STX8: variants seen among roughly 807,000 people sequenced by gnomAD.
STX8 encodes the protein syntaxin-8.
STX8 carries 23 observed loss-of-function variants against 37.5 expected under a neutral mutation model. The ratio of observed to expected loss-of-function variants is 0.61; its 90% CI spans 0.44 to 0.87. The LOEUF (loss-of-function observed/expected upper bound fraction) is 0.87. Among genes scored for constraint, STX8 ranks in the 40% least tolerant of loss-of-function variants. The pLI is 0.00. For missense variants in STX8, 313 were observed against 284.7 expected (o/e 1.10, Z -0.71); for synonymous variants, 115 against 99.1 (o/e 1.16, Z -0.95).
At chr17:9,374,086 A>T (rs1033102431) in intron 7 of STX8, among the ~76,000 whole-genome samples, 45 of 144,352 alleles carry the variant, frequency 3.1e-4, no homozygotes, top group African/African-American at 1.1e-3. Flanking sequence ...ACCACAATTA[A>T]TTTTTTTTTT....
At chr17:9,414,918 G>A (rs1447911791) in intron 6 of STX8, among the ~76,000 whole-genome samples, 1 of 150,506 alleles carries the variant, frequency 6.6e-6, no homozygotes, top group African/African-American at 2.4e-5. Flanking sequence ...AGCCTCCCGA[G>A]TAGCTGGGAT....
chr17:9,538,141 G>T (rs1457883737), intron 4 of STX8, among the ~76,000 whole-genome samples: 1 of 152,046 alleles, frequency 6.6e-6, no homozygotes, highest in Non-Finnish European at 1.5e-5. Flanking sequence ...AACTCCTTGG[G>T]GTTCAACTGC....
At chr17:9,559,756 A>ATTTTTTT (rs1214621506) in intron 2 of STX8, among the ~76,000 whole-genome samples, 19 of 31,128 alleles carry the variant, frequency 6.1e-4, no homozygotes, top group African/African-American at 9.8e-4. Flanking sequence ...ATATATATAT[A>ATTTTTTT]TATATTTTTT....
chr17:9,349,546 T>C (rs990130085), intron 7 of STX8, among the ~76,000 whole-genome samples: 1 of 152,048 alleles, frequency 6.6e-6, no homozygotes, highest in Non-Finnish European at 1.5e-5. Flanking sequence ...GGTCTCGAAC[T>C]CCTCACTTAA....
intron 7 of STX8, among the ~76,000 whole-genome samples, chr17:9,263,664 A>T (rs904065235): frequency 2.0e-5 from 3 of 152,234 alleles, no homozygotes; most frequent in Non-Finnish European, 4.4e-5. Flanking sequence ...TGCTATGAAA[A>T]GGAATGCTGC....
intron 6 of STX8, among the ~76,000 whole-genome samples, chr17:9,475,906 C>T (rs1186737485): frequency 1.3e-5 from 2 of 152,166 alleles, no homozygotes; most frequent in Non-Finnish European, 2.9e-5. Context: ...AAGGGCCGCC[C>T]GTGGTGGCTC....
intron 6 of STX8, among the ~76,000 whole-genome samples, chr17:9,465,651 C>T (rs1371197265): frequency 6.6e-6 from 1 of 152,192 alleles, no homozygotes; most frequent in Non-Finnish European, 1.5e-5. Flanking sequence ...AGCAGCACGC[C>T]TGTCATCACA....
At chr17:9,325,193 G>A (rs1311386189) in intron 7 of STX8, among the ~76,000 whole-genome samples, 2 of 152,222 alleles carry the variant, frequency 1.3e-5, no homozygotes, top group East Asian at 1.9e-4. Flanking sequence ...TATTAAAAGC[G>A]TTTTCAACTT....
chr17:9,435,908 A>G (rs1164784604), intron 6 of STX8, among the ~76,000 whole-genome samples: 2 of 152,208 alleles, frequency 1.3e-5, no homozygotes, highest in Admixed American at 1.3e-4. Context: ...TTTTAAAAAC[A>G]AAAGAGTGGT....
intron 6 of STX8, among the ~76,000 whole-genome samples, chr17:9,477,711 G>C (rs1906161571): frequency 6.6e-6 from 1 of 152,196 alleles, no homozygotes; most frequent in Non-Finnish European, 1.5e-5. Flanking sequence ...GAGTTTAAAG[G>C]GAAGTTTAAG....
chr17:9,266,197 GTTA>G (rs750610024), intron 7 of STX8, among the ~76,000 whole-genome samples: 6 of 152,240 alleles, frequency 3.9e-5, no homozygotes, highest in Non-Finnish European at 8.8e-5. Context: ...ACAGAGGGGT[GTTA>G]TTATGGAGTG....
At chr17:9,314,768 T>G (rs1447789379) in intron 7 of STX8, among the ~76,000 whole-genome samples, 1 of 151,176 alleles carries the variant, frequency 6.6e-6, no homozygotes, top group Non-Finnish European at 1.5e-5. Flanking sequence ...GCCGACTGAA[T>G]GGATTCCCCT....
chr17:9,533,367 T>G (rs910110359), intron 4 of STX8, among the ~76,000 whole-genome samples: 21 of 152,202 alleles, frequency 1.4e-4, no homozygotes, highest in African/African-American at 5.1e-4. Context: ...ACTTGGGAGC[T>G]GAGGCAGGAG....
chr17:9,337,314 G>C (rs976563260), intron 7 of STX8, among the ~76,000 whole-genome samples: 3 of 151,970 alleles, frequency 2.0e-5, no homozygotes, highest in African/African-American at 7.2e-5. Flanking sequence ...TACTGGGATA[G>C]AGGATGAGCC....
rs11369850 is a variant in STX8 at position 9,463,908 on chromosome 17, C to CAA, written c.541+27919_541+27920dup. Among the ~76,000 whole-genome samples the CAA allele has an allele frequency of 3.0e-3, 409 of 135,290 alleles. 2 individuals are homozygous for CAA. The highest frequency in any genetic ancestry group is 4.7e-3 in the Non-Finnish European group (299 of 63,046). 88.8% of individuals were successfully genotyped at this position (135,290 alleles called of 152,430 possible). A position where few individuals can be genotyped will look rare whatever the true frequency, so the allele number is the denominator to read the frequency against. Reference sequence around the variant, plus strand: ...GGGCAACAAGAGTGAAACTCCATCTCAAAAAAAAAAAAAAAATTTAGCTGG... The same window carrying CAA: ...GGGCAACAAGAGTGAAACTCCATCTCAAAAAAAAAAAAAAAAAATTTAGCTGG... On this transcript the variant is annotated intron_variant, in intron 6 of 7. Coordinates refer to ENST00000306357, the MANE Select transcript of STX8 (RefSeq NM_004853.3).
At chr17:9,369,886 C>CAAAAAAAAAAAAAAAAAAAAAA (rs60178482) in intron 7 of STX8, among the ~76,000 whole-genome samples, 11 of 52,142 alleles carry the variant, frequency 2.1e-4, no homozygotes, top group East Asian at 7.7e-4. Flanking sequence ...GACCCTGTAC[C>CAAAAAAAAAAAAAAAAAAAAAA]AAAAAAAAAA....
intron 7 of STX8, among the ~76,000 whole-genome samples, chr17:9,345,138 AC>A (rs1910488778): frequency 6.6e-6 from 1 of 150,884 alleles, no homozygotes; most frequent in Non-Finnish European, 1.5e-5. Flanking sequence ...TCATATACAC[AC>A]AGCTCTCATT....
At chr17:9,370,251 T>C (rs1275822798) in intron 7 of STX8, among the ~76,000 whole-genome samples, 1 of 152,152 alleles carries the variant, frequency 6.6e-6, no homozygotes, top group Admixed American at 6.5e-5. Context: ...CATCTTATCA[T>C]AGCTGGCATT....
chr17:9,435,656 C>T (rs1046365524), intron 6 of STX8, among the ~76,000 whole-genome samples: 7 of 152,044 alleles, frequency 4.6e-5, no homozygotes, highest in African/African-American at 1.7e-4. Context: ...TAGAAGAAAA[C>T]GAGCGTTCGA....
Sources: allele counts gnomAD v4.1 joint callset (sites outside exome capture counted in the v4.1 genomes callset), GRCh38; gene constraint gnomAD v4.1.1; transcripts MANE v1.5; gene names NCBI Gene and HGNC (gene_info 2026-07-23, HGNC 2026-07-21).